The following PFAS variants were observed in gnomAD, a reference collection of about 807,000 sequenced individuals.
PFAS encodes the protein phosphoribosylformylglycinamidine synthase, also known as FGAM synthase.
In PFAS, 97 loss-of-function variants were observed where a neutral mutation model predicts 140.6. That is an observed-to-expected ratio of 0.69 (90% CI 0.59 to 0.82). The LOEUF is 0.82. Among genes scored for constraint, PFAS ranks in the 40% least tolerant of loss-of-function variants. PFAS has a pLI of 0.00. For synonymous variants in PFAS, 679 were observed against 718.8 expected (o/e 0.94, Z 0.88); for missense variants, 1,656 against 1,780.2 (o/e 0.93, Z 1.26).
At chr17:8,263,460 G>T in intron 13 of PFAS, 115 bp from the exon 14 acceptor site, 1 of 1,053,432 alleles carries the variant, frequency 9.5e-7, no homozygotes, top group South Asian at 1.3e-5. Context: ...GTAAGGGTGC[G>T]GCAGCAGTTG....
At chr17:8,253,167 T>G (rs1989225353) in intron 1 of PFAS, among the ~76,000 whole-genome samples, 1 of 152,154 alleles carries the variant, frequency 6.6e-6, no homozygotes, top group Admixed American at 6.5e-5. Flanking sequence ...GTGTCCACAG[T>G]CCCCTGACCT....
intron 6 of PFAS, 65 bp from the exon 7 acceptor site, chr17:8,256,202 A>C (rs1989355816): frequency 2.0e-6 from 3 of 1,525,096 alleles, no homozygotes; most frequent in Non-Finnish European, 2.7e-6. Context: ...GCTGGTGAGA[A>C]GACATGGCAT....
At chr17:8,248,152 C>T, upstream of PFAS, 4 of 781,116 alleles carry the variant, frequency 5.1e-6, no homozygotes, top group Middle Eastern at 7.2e-4. Context: ...ACCTCCAGCT[C>T]CTTCTCGCTG....
chr17:8,257,347 G>C, intron 9 of PFAS, among the ~76,000 whole-genome samples: 1 of 152,096 alleles, frequency 6.6e-6, no homozygotes, highest in Non-Finnish European at 1.5e-5. Context: ...ACAAGGTCAG[G>C]AGATCAAAAC....
intron 11 of PFAS, among the ~76,000 whole-genome samples, chr17:8,259,383 G>T (rs1567639522): frequency 6.6e-6 from 1 of 152,082 alleles, no homozygotes; most frequent in African/African-American, 2.4e-5. Context: ...CAGTTCTCCT[G>T]CTTCAGCCTT....
upstream of PFAS, among the ~76,000 whole-genome samples, chr17:8,248,410 A>ATTTTTTTTTTTTTTTT (rs35534210): frequency 7.2e-3 from 485 of 67,602 alleles, 8 homozygotes; most frequent in Non-Finnish European, 0.01. Context: ...CGCCCGGCTA[A>ATTTTTTTTTTTTTTTT]TTTTTTTTTT....
intron 4 of PFAS, 141 bp from the exon 5 acceptor site, chr17:8,255,361 C>G: frequency 1.4e-6 from 1 of 695,082 alleles, no homozygotes; most frequent in Middle Eastern, 2.5e-4. Context: ...CTGGAAAGGG[C>G]GTCTTTTTGT....
At chr17:8,253,144 A>C (rs1316307447) in intron 1 of PFAS, among the ~76,000 whole-genome samples, 2 of 152,166 alleles carry the variant, frequency 1.3e-5, no homozygotes, top group Non-Finnish European at 2.9e-5. Flanking sequence ...CTGACACCTG[A>C]AGTGCAGGAT....
At position 8,253,945 on chromosome 17, in the gene PFAS, C is replaced by T. The variant is rs1346013178; in HGVS notation, c.8C>T (p.Pro3Leu). 1 of 1,612,992 alleles carries T rather than the reference C, an allele frequency of 6.2e-7. No homozygotes were observed. Among genetic ancestry groups the T allele is most frequent in the Non-Finnish European group, 8.5e-7 (1 of 1,179,276 alleles). MSPVLHFYVRPSG... is the reference protein window; with the variant it reads MSLVLHFYVRPSG... ...CAAAGGACACCTGCAGAGATGTCCC[C>T]AGTCCTTCACTTCTATGTTCGTCCC... Residue 3 changes from proline to leucine, a missense_variant, in exon 2 of 28, where the codon CCA becomes CTA. Coordinates refer to ENST00000314666, the MANE Select transcript of PFAS (RefSeq NM_012393.3).
Position 8,255,837 on chromosome 17 carries a change from T to C in PFAS, c.607T>C (p.Tyr203His), listed in dbSNP as rs1408698513. 1.2e-6 allele frequency: 2 copies of C among 1,614,026 alleles called. No individual in the cohort carries two copies. Among genetic ancestry groups the C allele is most frequent in the Admixed American group, 3.3e-5 (2 of 59,994 alleles). Residue 203 changes from tyrosine to histidine, a missense_variant, in exon 6 of 28, where the codon TAC becomes CAC. Physicochemically the swap from Tyr to His is moderately conservative, Grantham distance 83 (BLOSUM62 2). Coordinates refer to ENST00000314666, the MANE Select transcript of PFAS (RefSeq NM_012393.3). ...TTTAGACTCTTGGGACCTAGACTTC[T>C]ACACCAAGCGCTTCCAGGAGCTACA... is the stretch of plus-strand genomic sequence containing the variant. Reference protein sequence around the residue: ...LALDSWDLDFYTKRFQELQRN... With the variant: ...LALDSWDLDFHTKRFQELQRN...
At position 8,251,056 on chromosome 17, in the gene PFAS, G is replaced by A. The variant is rs577143857; in HGVS notation, c.-80+1717G>A. ...TAATCCCAGCACTTTGGGAGGCTGA[G>A]GTGGGTGGATCACGAGTTCAAGAGA... On this transcript the variant is annotated intron_variant, in intron 1 of 27. Coordinates refer to ENST00000314666, the MANE Select transcript of PFAS (RefSeq NM_012393.3). 4.7e-4 allele frequency among the ~76,000 whole-genome samples: 71 copies of A among 152,150 alleles called. 1 individual carries two copies. The highest frequency in any genetic ancestry group is 1.7e-3 in the African/African-American group (70 of 41,516).
chr17:8,265,253 C>A (rs1206198764), intron 18 of PFAS, 35 bp from the exon 19 acceptor site: 1 of 1,599,640 alleles, frequency 6.3e-7, no homozygotes, highest in Non-Finnish European at 8.5e-7. Flanking sequence ...CCACATTTCT[C>A]TTCCCCTCTA....
rs545589069 is a variant in PFAS at position 8,257,897 on chromosome 17, C to T, written c.1166C>T (p.Ala389Val). The T allele has an allele frequency of 6.2e-7, 1 of 1,614,186 alleles. No homozygotes were observed. Among genetic ancestry groups the T allele is most frequent in the East Asian group, 2.2e-5 (1 of 44,892 alleles). Reference sequence around the variant, plus strand: ...GTTGCCATTGAAGCCAGTAATGGAGCTTCTGACTATGGCAACAAGTTTGGG... The same window carrying T: ...GTTGCCATTGAAGCCAGTAATGGAGTTTCTGACTATGGCAACAAGTTTGGG... ...LEVAIEASNG[A>V]SDYGNKFGEP... is the part of the protein sequence containing the mutation. The change falls in exon 10 of 28, where the codon GCT (alanine) becomes GTT (valine). Residue 389 changes from alanine (A) to valine (V), a missense_variant. By Grantham distance (64) the Ala-to-Val change is moderately conservative. Around this residue, in one of 2 missense-constraint regions of PFAS, gnomAD observed 773 missense variants for 757.3 expected, o/e 1.02. Transcript: ENST00000314666.
At chr17:8,259,972 G>A (rs1390379970) in intron 11 of PFAS, among the ~76,000 whole-genome samples, 4 of 151,610 alleles carry the variant, frequency 2.6e-5, no homozygotes, top group East Asian at 1.9e-4. Flanking sequence ...GTGGTGGCGC[G>A]CACCTATAAT....
Position 8,258,077 on chromosome 17 carries a change from C to T in PFAS, c.1214C>T (p.Ala405Val). The T allele has an allele frequency of 6.2e-7, 1 of 1,614,150 alleles. No homozygotes were observed. The highest frequency in any genetic ancestry group is 8.5e-7 in the Non-Finnish European group (1 of 1,180,028). ...KFGEPVLAGF[A>V]RSLGLQLPDG... ...TCTGATGTTCACACTCCAGGCTTCG[C>T]CCGCTCCTTGGGCCTCCAGCTCCCA... is the stretch of plus-strand genomic sequence containing the variant. The change falls in exon 11 of 28, where the codon GCC becomes GTC. Residue 405 changes from alanine to valine, a missense_variant. By Grantham distance (64) the Ala-to-Val change is moderately conservative (BLOSUM62 0). Around this residue, in one of 2 missense-constraint regions of PFAS, gnomAD observed 773 missense variants for 757.3 expected, o/e 1.02. Coordinates refer to ENST00000314666, the MANE Select transcript of PFAS (RefSeq NM_012393.3).
At position 8,256,865 on chromosome 17, in the gene PFAS, G is replaced by A. The variant is rs1175483363; in HGVS notation, c.977G>A (p.Gly326Asp). The A allele has an allele frequency of 6.2e-7, 1 of 1,612,134 alleles. No homozygotes were observed. Among genetic ancestry groups the A allele is most frequent in the Non-Finnish European group, 8.5e-7 (1 of 1,179,052 alleles). ...TGCCCCTTTAGTGGTGCAACCACTG[G>A]CACAGGGGGCCGGATTCGAGATGTC... ...GVCPFSGATT[G>D]TGGRIRDVQC... The change falls in exon 9 of 28, where the codon GGC becomes GAC. Residue 326 changes from glycine (G) to aspartate (D), a missense_variant. Around this residue, in one of 2 missense-constraint regions of PFAS, gnomAD observed 773 missense variants for 757.3 expected, o/e 1.02. Transcript: ENST00000314666.
At chr17:8,260,929 A>G (rs1465384120) in intron 11 of PFAS, among the ~76,000 whole-genome samples, 1 of 151,470 alleles carries the variant, frequency 6.6e-6, no homozygotes, top group African/African-American at 2.4e-5. Flanking sequence ...CGGCCTATGT[A>G]CAAGTTTTTG....
At position 8,266,952 on chromosome 17, in the gene PFAS, C is replaced by T. The variant is rs1309266413; in HGVS notation, c.2967+54C>T. On this transcript the variant is annotated intron_variant, in intron 23 of 27. Coordinates refer to ENST00000314666, the MANE Select transcript of PFAS (RefSeq NM_012393.3). The surrounding 1 kb of genome is among the most constrained non-coding windows in gnomAD (Gnocchi z 5.0). The stretch of plus-strand genomic sequence containing the variant: ...CAGTGGGCAGTCAGAGTGGGGTGGC[C>T]GCGGTCCATCCCTCTCCCACTGTGG... 27 of 1,599,476 alleles carry T rather than the reference C, an allele frequency of 1.7e-5. No homozygotes were observed. Among genetic ancestry groups the T allele is most frequent in the South Asian group, 1.3e-4 (12 of 90,294 alleles).
chr17:8,263,986 A>G, intron 15 of PFAS, 50 bp downstream of exon 15: 1 of 1,592,738 alleles, frequency 6.3e-7, no homozygotes. Flanking sequence ...GACATGAGCC[A>G]CCTGGGTATG....
Sources: allele counts gnomAD v4.1 joint callset (sites outside exome capture counted in the v4.1 genomes callset), GRCh38; gene constraint gnomAD v4.1.1; regional missense constraint gnomAD v4.1.1; non-coding constraint Gnocchi (gnomAD v3.1); transcripts MANE v1.5; gene names NCBI Gene and HGNC (gene_info 2026-07-23, HGNC 2026-07-21).